Variants in SAE1 observed in about 807,000 individuals in gnomAD.
SAE1 encodes the protein SUMO-activating enzyme subunit 1.
Under a neutral mutation model 40.6 loss-of-function variants are expected in SAE1, and 11 were observed. The observed-to-expected ratio is 0.27, with a 90% CI of 0.17 to 0.45. SAE1 has a LOEUF of 0.45. Ranked by LOEUF, SAE1 falls within the 20% of genes least tolerant of loss-of-function variation. SAE1 has a pLI of 1.00. For missense variants in SAE1, 373 were observed against 427.3 expected, an observed-to-expected ratio of 0.87 and a Z score of 1.12; for synonymous variants, 155 against 154.3, an observed-to-expected ratio of 1.00 and a Z score of -0.03.
chr19:47,151,844 T>C (rs1021572657), intron 3 of SAE1, among the ~76,000 whole-genome samples: 10 of 152,252 alleles, frequency 6.6e-5, no homozygotes, highest in African/African-American at 2.4e-4. Flanking sequence ...GTGAGGCCAG[T>C]TGATTGTGTA....
At chr19:47,200,340 C>G (rs993926835) in intron 7 of SAE1, among the ~76,000 whole-genome samples, 3 of 150,082 alleles carry the variant, frequency 2.0e-5, no homozygotes, top group African/African-American at 7.4e-5. Context: ...TCAGGCAACA[C>G]TCTCATCTCG....
intron 6 of SAE1, among the ~76,000 whole-genome samples, chr19:47,171,525 C>T (rs980191334): frequency 1.3e-5 from 2 of 152,130 alleles, no homozygotes; most frequent in African/African-American, 4.8e-5. Flanking sequence ...GATCTTGGCT[C>T]ACTGCAACCT....
intron 6 of SAE1, among the ~76,000 whole-genome samples, chr19:47,191,154 T>C (rs116732633): frequency 0.02 from 2,998 of 152,256 alleles, 88 homozygotes; most frequent in African/African-American, 0.065. Flanking sequence ...GTCATGCCTA[T>C]AATCCCAGCA....
chr19:47,170,016 G>A, intron 6 of SAE1, 93 bp downstream of exon 6: 4 of 904,018 alleles, frequency 4.4e-6, no homozygotes, highest in Non-Finnish European at 7.3e-6. Flanking sequence ...TGTGATGTTT[G>A]CCTTGGGTGG....
chr19:47,191,489 C>G (rs114379617), intron 6 of SAE1, among the ~76,000 whole-genome samples: 2 of 152,338 alleles, frequency 1.3e-5, no homozygotes, highest in African/African-American at 4.8e-5. Context: ...GGTATCAACA[C>G]TGCCTGAGCA....
intron 1 of SAE1, among the ~76,000 whole-genome samples, chr19:47,136,119 G>A (rs1364273800): frequency 1.3e-5 from 2 of 152,006 alleles, no homozygotes; most frequent in East Asian, 3.8e-4. Flanking sequence ...GAAGAGTGCT[G>A]CAATAAACAT....
chr19:47,183,229 T>G (rs1322516120), intron 6 of SAE1, among the ~76,000 whole-genome samples: 1 of 152,088 alleles, frequency 6.6e-6, no homozygotes, highest in African/African-American at 2.4e-5. Flanking sequence ...TCACGTACTT[T>G]ACATGCATTG....
At chr19:47,200,337 A>G (rs547081315) in intron 7 of SAE1, among the ~76,000 whole-genome samples, 1 of 149,096 alleles carries the variant, frequency 6.7e-6, no homozygotes, top group Non-Finnish European at 1.5e-5. Flanking sequence ...GGCTCAGGCA[A>G]CACTCTCATC....
intron 5 of SAE1, among the ~76,000 whole-genome samples, chr19:47,158,279 T>A (rs2058336053): frequency 6.6e-6 from 1 of 152,174 alleles, no homozygotes. Context: ...TTTCACACCC[T>A]CTAGGAAGCT....
chr19:47,185,892 G>A (rs967356325), intron 6 of SAE1, among the ~76,000 whole-genome samples: 9 of 148,632 alleles, frequency 6.1e-5, no homozygotes, highest in Non-Finnish European at 3.0e-5. Context: ...ATGAGCCACC[G>A]CACCAAGCCC....
At chr19:47,139,972 C>CT (rs1470938169) in intron 1 of SAE1, among the ~76,000 whole-genome samples, 6 of 136,658 alleles carry the variant, frequency 4.4e-5, no homozygotes, top group Non-Finnish European at 9.2e-5. Context: ...GAGTCTCGCT[C>CT]TTTCGTCCAG....
Position 47,197,919 on chromosome 19 carries a change from C to A in SAE1, c.878+542C>A, listed in dbSNP as rs552419005. ...AGAAGGTTGTAATTTATCATTTGGT[C>A]AGCATTGCCACCTTGCCTCCATTGG... On this transcript the variant is annotated intron_variant, in intron 7 of 8. Transcript: ENST00000270225. 5.3e-5 allele frequency among the ~76,000 whole-genome samples: 8 copies of A among 152,314 alleles called. No homozygotes were observed. In the South Asian group the frequency reaches 1.5e-3, roughly 28 times the overall value.
rs754978254 is a variant in SAE1, at chr19:47,155,206, T to C, written c.620T>C (p.Val207Ala). 6.2e-7 allele frequency: 1 copy of C among 1,611,116 alleles called. No individual in the cohort carries two copies. The highest frequency in any genetic ancestry group is 2.2e-5 in the East Asian group (1 of 44,860). Reference protein sequence around the residue: ...AKLDSSETTMVKKKVVFCPVK... With the variant: ...AKLDSSETTMAKKKVVFCPVK... ...CTTGATTCTTCTGAGACAACGATGG[T>C]CAAAAAGGTATGTGTAACGTGGGGG... The change falls in exon 5 of 9, where the codon GTC becomes GCC. Residue 207 changes from valine to alanine, a missense_variant. Transcript: ENST00000270225.
At chr19:47,131,386 T>C (rs902721969) in intron 1 of SAE1, among the ~76,000 whole-genome samples, 2 of 151,646 alleles carry the variant, frequency 1.3e-5, no homozygotes, top group Admixed American at 1.3e-4. Context: ...AAGGGTGAGG[T>C]GAGGGACGCA....
rs1437214556 is a variant in SAE1, at chr19:47,210,411, A to C, written c.*1160A>C. The C allele has an allele frequency of 6.6e-6, 1 of 152,218 alleles. No individual in the cohort carries two copies. Among genetic ancestry groups the C allele is most frequent in the African/African-American group, 2.4e-5 (1 of 41,456 alleles). 9.4% of individuals were successfully genotyped at this position (152,218 alleles called of 1,614,324 possible). A position where few individuals can be genotyped will look rare whatever the true frequency, so the allele number is the denominator to read the frequency against. ...GTTGTCTAATGGATAATTCAGCTAA[A>C]TAGTGGCTATTTTCAGTGGCAAGAA... On this transcript the variant is annotated 3_prime_UTR_variant, in exon 9 of 9. Coordinates refer to ENST00000270225, the MANE Select transcript of SAE1 (RefSeq NM_005500.3).
chr19:47,131,686 C>T (rs1365073619), intron 1 of SAE1, among the ~76,000 whole-genome samples: 1 of 141,020 alleles, frequency 7.1e-6, no homozygotes, highest in Non-Finnish European at 1.5e-5. Context: ...TGTGGAGTAG[C>T]TTAGGGAATT....
Position 47,162,472 on chromosome 19 carries a change from A to G in SAE1, c.627+7259A>G, listed in dbSNP as rs1270420281. On this transcript the variant is annotated intron_variant, in intron 5 of 8. Transcript: ENST00000270225. Reference sequence around the variant, plus strand: ...AGAACCAACATTATGTATCAGTAACATTTGGTAACTTCAGGCGTTTTTTTT... The same window carrying G: ...AGAACCAACATTATGTATCAGTAACGTTTGGTAACTTCAGGCGTTTTTTTT... Among the ~76,000 whole-genome samples the G allele has an allele frequency of 2.6e-5, 4 of 152,182 alleles. No individual in the cohort carries two copies. In the East Asian group the frequency reaches 7.7e-4, roughly 29 times the overall value.
At chr19:47,182,496 T>TGTGTGTGTGTGTGTGTGTGC (rs143321323) in intron 6 of SAE1, among the ~76,000 whole-genome samples, 1 of 145,938 alleles carries the variant, frequency 6.9e-6, no homozygotes, top group African/African-American at 2.6e-5. Context: ...TGTGTGTGTG[T>TGTGTGTGTGTGTGTGTGTGC]GCGCGCACGC....
At chr19:47,181,808 A>T (rs1210328427) in intron 6 of SAE1, among the ~76,000 whole-genome samples, 34 of 88,222 alleles carry the variant, frequency 3.9e-4, no homozygotes, top group East Asian at 6.3e-4. Context: ...TTTTAATTTT[A>T]CAGAATTTTT....
Sources: gnomAD v4.1 joint callset for allele counts (sites outside exome capture counted in the v4.1 genomes callset) on GRCh38, gnomAD v4.1.1 for gene constraint, MANE v1.5 for transcripts, NCBI Gene and HGNC (gene_info 2026-07-23, HGNC 2026-07-21) for gene names.